The following MTUS1 variants were observed in gnomAD, a reference collection of about 807,000 sequenced individuals.
MTUS1 encodes the protein microtubule associated scaffold protein 1.
Under a neutral mutation model 120.8 loss-of-function variants are expected in MTUS1, and 109 were observed. The ratio of observed to expected loss-of-function variants is 0.90; its 90% CI spans 0.77 to 1.06. The LOEUF is 1.06. Ranked by LOEUF, MTUS1 falls within the 50% of genes least tolerant of loss-of-function variation. The pLI is 0.00. For missense variants in MTUS1, 2,210 were observed against 1,486.3 expected (o/e 1.49, Z -8.01); for synonymous variants, 737 against 550.5 (o/e 1.34, Z -4.74).
chr8:17,680,379 G>A (rs909930698), intron 7 of MTUS1, among the ~76,000 whole-genome samples: 2 of 143,608 alleles, frequency 1.4e-5, no homozygotes, highest in African/African-American at 5.1e-5. Context: ...CAGGAGAACT[G>A]GTTGAACCCA....
At chr8:17,784,333 T>C (rs1422293449) in intron 1 of MTUS1, among the ~76,000 whole-genome samples, 2 of 150,468 alleles carry the variant, frequency 1.3e-5, no homozygotes, top group African/African-American at 2.5e-5. Context: ...TTCACTCTTG[T>C]TGCCCAGGCT....
intron 9 of MTUS1, chr8:17,654,984 T>C: frequency 3.8e-6 from 1 of 265,838 alleles, no homozygotes; most frequent in South Asian, 7.5e-5. Flanking sequence ...CGCTCAACTC[T>C]CCTCTGTCTC....
chr8:17,771,242 T>C (rs1393001951), intron 1 of MTUS1, among the ~76,000 whole-genome samples: 1 of 152,176 alleles, frequency 6.6e-6, no homozygotes, highest in Non-Finnish European at 1.5e-5. Context: ...ACATACCTTC[T>C]CATTAGCAGT....
chr8:17,724,961 G>T (rs1263745262), intron 3 of MTUS1, among the ~76,000 whole-genome samples: 1 of 151,896 alleles, frequency 6.6e-6, no homozygotes, highest in Non-Finnish European at 1.5e-5. Flanking sequence ...TTGCTTTGTT[G>T]CCCAGGCTGG....
intron 1 of MTUS1, among the ~76,000 whole-genome samples, chr8:17,793,875 C>T (rs1016363208): frequency 2.0e-5 from 3 of 152,150 alleles, no homozygotes; most frequent in East Asian, 3.9e-4. Flanking sequence ...GAGAATATTT[C>T]GAACAACACA....
chr8:17,661,099 T>C (rs1376438018), intron 8 of MTUS1, among the ~76,000 whole-genome samples: 1 of 152,184 alleles, frequency 6.6e-6, no homozygotes, highest in Admixed American at 6.5e-5. Context: ...GAAGAAAAAA[T>C]GACTCAAGAA....
chr8:17,761,654 C>A (rs373084431), intron 1 of MTUS1, among the ~76,000 whole-genome samples: 1 of 152,136 alleles, frequency 6.6e-6, no homozygotes, highest in South Asian at 2.1e-4. Context: ...CATATTATAA[C>A]TATAAAATCA....
At position 17,748,524 on chromosome 8, in the gene MTUS1, T is replaced by A. The variant is rs183476844; in HGVS notation, c.2092-4725A>T. Among the ~76,000 whole-genome samples, 314 of 152,270 alleles carry A rather than the reference T, an allele frequency of 2.1e-3. 2 individuals carry two copies. The highest frequency in any genetic ancestry group is 6.9e-3 in the African/African-American group (288 of 41,558). ...CCACACAGTGAGGCAAAGGGCCCAC[T>A]GAGCTGATGACACACCGGTGTCCAT... On this transcript the variant is annotated intron_variant, in intron 2 of 14. Coordinates refer to ENST00000693296, the MANE Select transcript of MTUS1 (RefSeq NM_001363059.2).
chr8:17,755,340 C>T lies in MTUS1; in HGVS notation c.468G>A (p.Glu156=), dbSNP rs150511489. The T allele has an allele frequency of 3.7e-6, 6 of 1,614,036 alleles. No homozygotes were observed. In the African/African-American group the frequency reaches 4.0e-5, roughly 11 times the overall value. The stretch of plus-strand genomic sequence containing the variant: ...CTGTCATGTCAAATGTTTGGTTTAG[C>T]TCCAAGGCATCACAGTAGCCTGCAC... The part of the protein sequence containing the change: ...LNCAGYCDAL[E]LNQTFDMTVD... Residue 156 remains glutamate (E), a synonymous_variant, in exon 2 of 15, where the codon GAG becomes GAA. Coordinates refer to ENST00000693296, the MANE Select transcript of MTUS1 (RefSeq NM_001363059.2).
At chr8:17,695,340 T>A (rs545601786) in intron 6 of MTUS1, among the ~76,000 whole-genome samples, 1 of 152,326 alleles carries the variant, frequency 6.6e-6, no homozygotes, top group South Asian at 2.1e-4. Context: ...TAAATAGAAG[T>A]CCCAGGTTTT....
intron 1 of MTUS1, among the ~76,000 whole-genome samples, chr8:17,763,930 T>TG (rs2049252658): frequency 6.7e-6 from 1 of 150,032 alleles, no homozygotes; most frequent in Non-Finnish European, 1.5e-5. Context: ...AAGCCAAGTG[T>TG]GGAAACGTGT....
intron 8 of MTUS1, 200 bp downstream of exon 8, chr8:17,674,986 T>C (rs1812787366): frequency 2.1e-6 from 3 of 1,401,422 alleles, no homozygotes; most frequent in Middle Eastern, 2.6e-4. Context: ...GTCAGATCAG[T>C]GCCAGGAATT....
chr8:17,671,487 A>G (rs761185828), intron 8 of MTUS1, among the ~76,000 whole-genome samples: 7 of 152,234 alleles, frequency 4.6e-5, no homozygotes, highest in Non-Finnish European at 1.0e-4. Flanking sequence ...GACACTTTTA[A>G]GAGTTTCTGC....
chr8:17,666,745 C>A (rs1810998047), intron 8 of MTUS1, among the ~76,000 whole-genome samples: 2 of 152,194 alleles, frequency 1.3e-5, no homozygotes, highest in Admixed American at 1.3e-4. Context: ...GAGGGATCAC[C>A]TTCCCCATCA....
In MTUS1 at chr8:17,755,797, T is replaced by G. The variant is rs1325198934; in HGVS notation, c.11A>C (p.Asp4Ala). 3 of 1,612,506 alleles carry G rather than the reference T, an allele frequency of 1.9e-6. No individual in the cohort carries two copies. The highest frequency in any genetic ancestry group is 2.5e-6 in the Non-Finnish European group (3 of 1,179,382). MTD[D>A]NSDDKIEDEL... ...ATCTTCTATTTTATCATCTGAATTATCATCAGTCATCCTGAATAGTAACCT... is the reference window on the plus strand; with the variant it reads ...ATCTTCTATTTTATCATCTGAATTAGCATCAGTCATCCTGAATAGTAACCT... The change falls in exon 2 of 15, where the codon GAT becomes GCT. Residue 4 changes from aspartate (D) to alanine (A), a missense_variant. Physicochemically the swap from Asp to Ala is moderately radical, Grantham distance 126 (BLOSUM62 -2). Coordinates refer to ENST00000693296, the MANE Select transcript of MTUS1 (RefSeq NM_001363059.2).
chr8:17,655,288 A>G (rs1197026305), intron 9 of MTUS1, among the ~76,000 whole-genome samples: 1 of 139,466 alleles, frequency 7.2e-6, no homozygotes, highest in East Asian at 2.0e-4. Flanking sequence ...GATGCCACTA[A>G]AAAAAAAAAA....
At chr8:17,733,580 C>G (rs1483595768) in intron 3 of MTUS1, among the ~76,000 whole-genome samples, 2 of 152,044 alleles carry the variant, frequency 1.3e-5, no homozygotes, top group Non-Finnish European at 2.9e-5. Flanking sequence ...GATAAACTAT[C>G]CAATTTGCCT....
intron 1 of MTUS1, among the ~76,000 whole-genome samples, chr8:17,768,769 A>T (rs981528450): frequency 6.6e-6 from 1 of 152,188 alleles, no homozygotes; most frequent in African/African-American, 2.4e-5. Flanking sequence ...AGCAGAGAAG[A>T]GAGAGTCCTG....
chr8:17,773,052 C>G (rs1310778976), intron 1 of MTUS1, among the ~76,000 whole-genome samples: 3 of 152,158 alleles, frequency 2.0e-5, no homozygotes, highest in Non-Finnish European at 4.4e-5. Flanking sequence ...CTTTCCCCCA[C>G]TTTCACCTAG....
Sources: gnomAD v4.1 joint callset for allele counts (sites outside exome capture counted in the v4.1 genomes callset) on GRCh38, gnomAD v4.1.1 for gene constraint, MANE v1.5 for transcripts, NCBI Gene and HGNC (gene_info 2026-07-23, HGNC 2026-07-21) for gene names.